CATSPERD: variants seen among roughly 807,000 people sequenced by gnomAD.
The protein encoded by CATSPERD is cation channel sperm-associated auxiliary subunit delta.
In CATSPERD, 86 loss-of-function variants were observed where a neutral mutation model predicts 98.1. The observed-to-expected ratio is 0.88, with a 90% CI of 0.74 to 1.05. The LOEUF is 1.05. CATSPERD is among the 50% of genes least tolerant of loss of function. The pLI, the probability that CATSPERD is intolerant of heterozygous loss-of-function variation, is 0.00. For synonymous variants in CATSPERD, 394 were observed against 390.2 expected (o/e 1.01, Z -0.12); for missense variants, 995 against 1,005.7 (o/e 0.99, Z 0.14).
At chr19:5,756,477 T>C (rs2056326146) in intron 13 of CATSPERD, among the ~76,000 whole-genome samples, 1 of 152,070 alleles carries the variant, frequency 6.6e-6, no homozygotes, top group South Asian at 2.1e-4. Flanking sequence ...TTCATCCACA[T>C]GTATTATCTA....
intron 12 of CATSPERD, 75 bp downstream of exon 12, chr19:5,751,898 C>T (rs762858922): frequency 1.4e-6 from 2 of 1,391,718 alleles, no homozygotes; most frequent in Non-Finnish European, 1.9e-6. Flanking sequence ...CATGGTGGTG[C>T]ACGCCTGTAG....
chr19:5,756,893 A>G (rs1031928304), intron 13 of CATSPERD, among the ~76,000 whole-genome samples: 1 of 151,950 alleles, frequency 6.6e-6, no homozygotes, highest in Non-Finnish European at 1.5e-5. Flanking sequence ...CAGTGAGCCA[A>G]GATCTCACCA....
chr19:5,751,918 C>A, intron 12 of CATSPERD, 95 bp downstream of exon 12: 2 of 1,174,284 alleles, frequency 1.7e-6, no homozygotes, highest in Non-Finnish European at 2.3e-6. Context: ...GCCCCAGTTG[C>A]TCAGGAGGCT....
At chr19:5,758,674 C>A (rs1419556591) in intron 14 of CATSPERD, among the ~76,000 whole-genome samples, 1 of 150,476 alleles carries the variant, frequency 6.6e-6, no homozygotes, top group African/African-American at 2.4e-5. Flanking sequence ...ACCCAGGAGG[C>A]AGAGCTGGCA....
In CATSPERD at chr19:5,772,789, T is replaced by A. The variant is rs759309415; in HGVS notation, c.1765T>A (p.Trp589Arg). 11 of 1,613,260 alleles carry A rather than the reference T, an allele frequency of 6.8e-6. No individual in the cohort carries two copies. The highest frequency in any genetic ancestry group is 9.3e-6 in the Non-Finnish European group (11 of 1,179,582). The change falls in exon 20 of 22, where the codon TGG becomes AGG. Residue 589 changes from tryptophan to arginine, a missense_variant and splice_region_variant. By Grantham distance (101) the Trp-to-Arg change is moderately radical. Coordinates refer to ENST00000381624, the MANE Select transcript of CATSPERD (RefSeq NM_152784.4). ...CCCTGCCCCGTGCCTGTGTCCTAGG[T>A]GGCGAAAAGACAGTTTCCAGGAGGT... is the stretch of plus-strand genomic sequence containing the variant. ...DTLWKPVVELWRKDSFQEVID... is the reference protein window; with the variant it reads ...DTLWKPVVELRRKDSFQEVID...
chr19:5,762,041 C>CATATATATATATATATATATATAT (rs71172765), intron 15 of CATSPERD, among the ~76,000 whole-genome samples: 18 of 23,238 alleles, frequency 7.7e-4, no homozygotes, highest in Non-Finnish European at 1.2e-3. Flanking sequence ...CCTGGCCTGC[C>CATATATATATATATATATATATAT]ATATATATAT....
intron 5 of CATSPERD, among the ~76,000 whole-genome samples, chr19:5,736,879 A>C (rs919919763): frequency 2.6e-5 from 4 of 151,778 alleles, no homozygotes; most frequent in Admixed American, 1.3e-4. Flanking sequence ...AACACAGTGA[A>C]ACCCTGTCTC....
intron 4 of CATSPERD, among the ~76,000 whole-genome samples, chr19:5,731,061 C>T (rs1252372026): frequency 6.7e-6 from 1 of 148,972 alleles, no homozygotes; most frequent in African/African-American, 2.5e-5. Context: ...CACTGCACTC[C>T]AGCCTGGGTG....
intron 12 of CATSPERD, 38 bp from the exon 13 acceptor site, chr19:5,754,094 G>A: frequency 7.1e-7 from 1 of 1,402,186 alleles, no homozygotes; most frequent in African/African-American, 1.4e-5. Flanking sequence ...TATGGGAACA[G>A]GAGCATGATT....
intron 6 of CATSPERD, among the ~76,000 whole-genome samples, 164 bp downstream of exon 6, chr19:5,737,369 T>C (rs2055868808): frequency 6.6e-6 from 1 of 151,580 alleles, no homozygotes; most frequent in Non-Finnish European, 1.5e-5. Flanking sequence ...GAGACCAGCC[T>C]GGGCAACATA....
intron 9 of CATSPERD, among the ~76,000 whole-genome samples, chr19:5,747,674 G>A (rs912648364): frequency 5.7e-5 from 8 of 140,880 alleles, no homozygotes; most frequent in Admixed American, 3.1e-4. Flanking sequence ...GTACAGTGGC[G>A]CAATCTCGGC....
intron 15 of CATSPERD, among the ~76,000 whole-genome samples, chr19:5,759,768 C>G (rs1188548328): frequency 6.6e-6 from 1 of 151,116 alleles, no homozygotes; most frequent in Non-Finnish European, 1.5e-5. Context: ...CAATATGACT[C>G]AGACTTAAGA....
intron 8 of CATSPERD, 41 bp downstream of exon 8, chr19:5,744,551 G>T: frequency 7.0e-7 from 1 of 1,427,422 alleles, no homozygotes; most frequent in Non-Finnish European, 9.6e-7. Context: ...GAGGACCTTT[G>T]CCCAAGCCCA....
intron 7 of CATSPERD, among the ~76,000 whole-genome samples, chr19:5,741,761 C>T (rs1172431064): frequency 1.1e-5 from 1 of 93,418 alleles, no homozygotes; most frequent in Non-Finnish European, 2.3e-5. Context: ...AGCCTGTAAT[C>T]CCAGCACTTT....
In CATSPERD at chr19:5,768,170, A is replaced by G; in HGVS notation, c.1562A>G (p.Lys521Arg). ...DLDKKIVIQN[K>R]VSACSMGILD... Reference sequence around the variant, plus strand: ...TCAATGTCCACTTTTGCTTGCAGCAAAGTTTCCGCCTGTTCCATGGGCATC... The same window carrying G: ...TCAATGTCCACTTTTGCTTGCAGCAGAGTTTCCGCCTGTTCCATGGGCATC... The change falls in exon 18 of 22, where the codon AAA (lysine) becomes AGA (arginine). Residue 521 changes from lysine to arginine, a missense_variant and splice_region_variant. Lys to Arg is a conservative substitution (Grantham distance 26). Around this residue, in one of 3 missense-constraint regions of CATSPERD, gnomAD observed 762 missense variants for 773.7 expected, o/e 0.98. Transcript: ENST00000381624. 1 of 1,613,122 alleles carries G rather than the reference A, an allele frequency of 6.2e-7. No individual in the cohort carries two copies. Among genetic ancestry groups the G allele is most frequent in the African/African-American group, 1.3e-5 (1 of 74,946 alleles).
intron 18 of CATSPERD, among the ~76,000 whole-genome samples, chr19:5,769,024 G>C (rs1404919686): frequency 3.3e-5 from 5 of 151,942 alleles, no homozygotes; most frequent in East Asian, 1.9e-4. Flanking sequence ...CATGGTGGTG[G>C]GCACCTGTAA....
chr19:5,756,666 C>T (rs1357051640), intron 13 of CATSPERD, among the ~76,000 whole-genome samples: 1 of 152,050 alleles, frequency 6.6e-6, no homozygotes, highest in African/African-American at 2.4e-5. Context: ...ATTTTCAGGC[C>T]AGGCACGGTG....
At chr19:5,722,738 C>G (rs1029373313) in intron 1 of CATSPERD, among the ~76,000 whole-genome samples, 1 of 151,720 alleles carries the variant, frequency 6.6e-6, no homozygotes, top group African/African-American at 2.4e-5. Flanking sequence ...AGACCCCCCC[C>G]CCCGCAACCC....
chr19:5,729,755 A>G (rs992245844), intron 3 of CATSPERD, 117 bp from the exon 4 acceptor site: 1 of 601,816 alleles, frequency 1.7e-6, no homozygotes, highest in Non-Finnish European at 2.9e-6. Context: ...TATCTAAATG[A>G]CTCCTGGTTA....
Sources: allele counts gnomAD v4.1 joint callset (sites outside exome capture counted in the v4.1 genomes callset), GRCh38; gene constraint gnomAD v4.1.1; regional missense constraint gnomAD v4.1.1; transcripts MANE v1.5; gene names NCBI Gene and HGNC (gene_info 2026-07-23, HGNC 2026-07-21).